THSD4: variants seen among roughly 807,000 people sequenced by gnomAD.
THSD4 encodes the protein thrombospondin type 1 domain containing 4.
In THSD4, 69 loss-of-function variants were observed where a neutral mutation model predicts 119.0. The observed-to-expected ratio is 0.58, with a 90% confidence interval of 0.48 to 0.71. The LOEUF is 0.71. Ranked by LOEUF, THSD4 falls within the 30% of genes least tolerant of loss-of-function variation. The probability of loss-of-function intolerance (pLI) is 0.00; values close to 1 mark genes in which losing one functional copy is unlikely to be tolerated. For synonymous variants in THSD4, 524 were observed against 540.4 expected (o/e 0.97, Z 0.42); for missense variants, 1,393 against 1,391.1 (o/e 1.00, Z -0.02).
At chr15:71,652,551 C>T (rs1022806977) in intron 7 of THSD4, among the ~76,000 whole-genome samples, 2 of 152,192 alleles carry the variant, frequency 1.3e-5, no homozygotes, top group Admixed American at 6.5e-5. Context: ...GGGATATCCC[C>T]ACCCTCCAGA....
intron 7 of THSD4, among the ~76,000 whole-genome samples, chr15:71,647,018 C>G (rs1022167190): frequency 6.6e-6 from 1 of 152,178 alleles, no homozygotes; most frequent in African/African-American, 2.4e-5. Context: ...GTATAGATTA[C>G]CTGAAACCAC....
intron 3 of THSD4, among the ~76,000 whole-genome samples, chr15:71,165,680 G>T (rs999083076): frequency 1.3e-5 from 2 of 152,130 alleles, no homozygotes; most frequent in Admixed American, 1.3e-4. Context: ...TTCATCTGTG[G>T]TGTCTGCAAT....
chr15:71,354,657 A>C (rs1336433783), intron 6 of THSD4, among the ~76,000 whole-genome samples: 1 of 152,236 alleles, frequency 6.6e-6, no homozygotes, highest in Non-Finnish European at 1.5e-5. Flanking sequence ...CTAGCCCTGC[A>C]GTTGCTAATA....
chr15:71,410,819 G>A (rs1236259934), intron 6 of THSD4, among the ~76,000 whole-genome samples: 1 of 152,120 alleles, frequency 6.6e-6, no homozygotes, highest in Non-Finnish European at 1.5e-5. Context: ...ATCACTTGAG[G>A]TCAGGAGTTC....
chr15:71,620,739 T>C (rs561709380), intron 7 of THSD4, among the ~76,000 whole-genome samples: 1 of 152,288 alleles, frequency 6.6e-6, no homozygotes, highest in South Asian at 2.1e-4. Context: ...CCTGCACATA[T>C]CTGATGCCAT....
At chr15:71,752,705 C>T (rs1006266099) in intron 14 of THSD4, among the ~76,000 whole-genome samples, 1 of 152,082 alleles carries the variant, frequency 6.6e-6, no homozygotes, top group Admixed American at 6.6e-5. Context: ...GCTGAGTAAC[C>T]GCTGCAGTAA....
At chr15:71,673,108 C>T (rs180858113) in intron 8 of THSD4, among the ~76,000 whole-genome samples, 147 of 152,222 alleles carry the variant, frequency 9.7e-4, no homozygotes, top group African/African-American at 3.4e-3. Flanking sequence ...GCTGTGAATC[C>T]GCCTGGTCTG....
chr15:71,146,728 C>T (rs1002212582), intron 2 of THSD4, among the ~76,000 whole-genome samples: 2 of 152,016 alleles, frequency 1.3e-5, no homozygotes, highest in Non-Finnish European at 2.9e-5. Flanking sequence ...GTGGGAAGCC[C>T]GGGAGGAGCC....
intron 14 of THSD4, among the ~76,000 whole-genome samples, chr15:71,753,330 A>G (rs898159703): frequency 2.6e-5 from 4 of 152,246 alleles, no homozygotes; most frequent in Non-Finnish European, 5.9e-5. Flanking sequence ...ACAACAGGAA[A>G]AAAACACTTT....
intron 11 of THSD4, 149 bp from the exon 12 acceptor site, chr15:71,744,957 G>A: frequency 1.0e-6 from 1 of 962,514 alleles, no homozygotes; most frequent in Non-Finnish European, 1.5e-6. Flanking sequence ...TCAAATGAAG[G>A]GGGAGCGTAA....
intron 6 of THSD4, among the ~76,000 whole-genome samples, chr15:71,326,734 G>A (rs369553052): frequency 1.2e-4 from 10 of 80,324 alleles, no homozygotes; most frequent in African/African-American, 3.3e-4. Context: ...TATTAGCTGG[G>A]TGTGGTGGCA....
chr15:71,284,406 A>G (rs1231531592), intron 6 of THSD4, among the ~76,000 whole-genome samples: 1 of 152,176 alleles, frequency 6.6e-6, no homozygotes, highest in African/African-American at 2.4e-5. Flanking sequence ...GGCATTCCAC[A>G]CAGGGAGATA....
At chr15:71,302,435 C>T (rs2044963511) in intron 6 of THSD4, among the ~76,000 whole-genome samples, 1 of 152,136 alleles carries the variant, frequency 6.6e-6, no homozygotes, top group Non-Finnish European at 1.5e-5. Flanking sequence ...GCAGCAGGTC[C>T]CATCCCACAG....
At chr15:71,705,993 C>T (rs1163257735) in intron 8 of THSD4, among the ~76,000 whole-genome samples, 1 of 152,130 alleles carries the variant, frequency 6.6e-6, no homozygotes, top group Non-Finnish European at 1.5e-5. Flanking sequence ...TTGGGACATG[C>T]AGACATGGTG....
rs115184292 is a variant in THSD4, at chr15:71,354,680, C to T, written c.1016-57007C>T. On this transcript the variant is annotated intron_variant, in intron 6 of 17. Coordinates refer to ENST00000261862, the MANE Select transcript of THSD4 (RefSeq NM_024817.3). ...GCAGTTGCTAATAAGCATAGAATTACACCCAATCAGAAAATAGTTAGGCCT... is the reference window on the plus strand; with the variant it reads ...GCAGTTGCTAATAAGCATAGAATTATACCCAATCAGAAAATAGTTAGGCCT... 3.5e-3 allele frequency among the ~76,000 whole-genome samples: 535 copies of T among 152,310 alleles called. 6 individuals are homozygous for T. Among genetic ancestry groups the T allele is most frequent in the South Asian group, 0.026 (127 of 4,830 alleles).
chr15:71,243,070 C>T lies in THSD4; in HGVS notation c.886C>T (p.Arg296Trp), dbSNP rs921595067. 5.0e-6 allele frequency: 8 copies of T among 1,613,872 alleles called. No homozygotes were observed. The highest frequency in any genetic ancestry group is 3.3e-5 in the South Asian group (3 of 91,022). The change falls in exon 5 of 18, where the codon CGG becomes TGG. Residue 296 changes from arginine to tryptophan, a missense_variant. Coordinates refer to ENST00000261862, the MANE Select transcript of THSD4 (RefSeq NM_024817.3). The part of the protein sequence containing the change: ...STAISCIGAY[R>W]QYKLCNTNVC... The stretch of plus-strand genomic sequence containing the variant: ...AGCAATCTCATGCATCGGGGCCTAT[C>T]GGCAGTACAAGCTGTGCAACACCAA...
chr15:71,215,336 C>T lies in THSD4; in HGVS notation c.401C>T (p.Pro134Leu), dbSNP rs1343270822. The T allele has an allele frequency of 2.0e-6, 3 of 1,531,048 alleles. No individual in the cohort carries two copies. The highest frequency in any genetic ancestry group is 1.4e-5 in the African/African-American group (1 of 72,476). 94.8% of individuals were successfully genotyped at this position (1,531,048 alleles called of 1,614,324 possible). The change falls in exon 4 of 18, where the codon CCC becomes CTC. Residue 134 changes from proline to leucine, a missense_variant. Coordinates refer to ENST00000261862, the MANE Select transcript of THSD4 (RefSeq NM_024817.3). ...LAGTDASRQG[P>L]TVLRGSRHPQ... ...GGTACGGACGCCAGCCGCCAGGGCCCCACGGTGCTGCGAGGCAGCCGGCAC... is the reference window on the plus strand; with the variant it reads ...GGTACGGACGCCAGCCGCCAGGGCCTCACGGTGCTGCGAGGCAGCCGGCAC...
chr15:71,352,120 T>C (rs1480373383), intron 6 of THSD4, among the ~76,000 whole-genome samples: 5 of 152,248 alleles, frequency 3.3e-5, no homozygotes, highest in African/African-American at 1.2e-4. Context: ...TTTGGCAGAT[T>C]CGTGATTCCA....
intron 8 of THSD4, among the ~76,000 whole-genome samples, chr15:71,687,380 C>G (rs1350726101): frequency 6.6e-6 from 1 of 152,158 alleles, no homozygotes; most frequent in African/African-American, 2.4e-5. Flanking sequence ...TTCCTCCTGA[C>G]AGCACTTTCT....
Sources: gnomAD v4.1 joint callset for allele counts (sites outside exome capture counted in the v4.1 genomes callset) on GRCh38, gnomAD v4.1.1 for gene constraint, MANE v1.5 for transcripts, NCBI Gene and HGNC (gene_info 2026-07-23, HGNC 2026-07-21) for gene names.